CCNJL: variants seen among roughly 807,000 people sequenced by gnomAD.
The protein encoded by CCNJL is cyclin-J-like protein.
Under a neutral mutation model 33.4 loss-of-function variants are expected in CCNJL, and 33 were observed. The ratio of observed to expected loss-of-function variants is 0.99; its 90% CI spans 0.75 to 1.32. The LOEUF is 1.32. Ranked by LOEUF, CCNJL falls within the 40% of genes most tolerant of loss-of-function variation. CCNJL has a pLI of 0.00. For missense variants in CCNJL, 512 were observed against 499.7 expected (o/e 1.02, Z -0.23); for synonymous variants, 227 against 220.9 (o/e 1.03, Z -0.24).
chr5:160,272,346 C>T (rs1007919427), intron 3 of CCNJL, among the ~76,000 whole-genome samples: 1 of 152,110 alleles, frequency 6.6e-6, no homozygotes, highest in Non-Finnish European at 1.5e-5. Flanking sequence ...ACAGGCCTCT[C>T]CTAGAATCTC....
intron 3 of CCNJL, among the ~76,000 whole-genome samples, chr5:160,265,836 G>GTCCCTTA: frequency 6.8e-6 from 1 of 146,742 alleles, no homozygotes; most frequent in Non-Finnish European, 1.5e-5. Flanking sequence ...CTGGGCGACA[G>GTCCCTTA]AGCGAGACTC....
At chr5:160,328,847 T>G (rs1471509864) in intron 1 of CCNJL, among the ~76,000 whole-genome samples, 1 of 148,594 alleles carries the variant, frequency 6.7e-6, no homozygotes, top group Non-Finnish European at 1.5e-5. Context: ...GCCACTGCAC[T>G]CCAGCCTGGG....
chr5:160,288,344 A>G (rs1366426242), intron 2 of CCNJL, among the ~76,000 whole-genome samples: 1 of 152,102 alleles, frequency 6.6e-6, no homozygotes, highest in Non-Finnish European at 1.5e-5. Context: ...AAGACTAGAT[A>G]CCCACTGTGT....
intron 1 of CCNJL, among the ~76,000 whole-genome samples, chr5:160,322,031 G>T (rs1384379699): frequency 1.3e-5 from 2 of 152,280 alleles, no homozygotes; most frequent in African/African-American, 4.8e-5. Context: ...GCTGAGAGAT[G>T]GGGCTGGCTT....
chr5:160,256,012 T>C (rs1334197751), intron 4 of CCNJL, among the ~76,000 whole-genome samples: 1 of 152,116 alleles, frequency 6.6e-6, no homozygotes, highest in Non-Finnish European at 1.5e-5. Flanking sequence ...CCTCAGCCTT[T>C]TGAGTAGCTG....
At chr5:160,319,860 C>T (rs957119893) in intron 1 of CCNJL, among the ~76,000 whole-genome samples, 8 of 152,026 alleles carry the variant, frequency 5.3e-5, no homozygotes, top group Non-Finnish European at 1.5e-5. Context: ...ATCGTGGCTG[C>T]AGTAAGCCCT....
Position 160,277,159 on chromosome 5 carries a change from A to G in CCNJL, c.280+3366T>C, listed in dbSNP as rs141683796. ...AAAAAACCCACAAACACAACCCCACACTACAAGTTGGGCAAGTTTTGTGGC... is the reference window on the plus strand; with the variant it reads ...AAAAAACCCACAAACACAACCCCACGCTACAAGTTGGGCAAGTTTTGTGGC... On this transcript the variant is annotated intron_variant, in intron 3 of 5. Coordinates refer to ENST00000257536, the MANE Select transcript of CCNJL (RefSeq NM_001308173.3). 6.5e-3 allele frequency among the ~76,000 whole-genome samples: 983 copies of G among 152,240 alleles called. 5 individuals carry two copies. Among genetic ancestry groups the G allele is most frequent in the African/African-American group, 0.023 (936 of 41,528 alleles).
chr5:160,299,062 T>G (rs2113416921), intron 2 of CCNJL, among the ~76,000 whole-genome samples: 2 of 152,292 alleles, frequency 1.3e-5, no homozygotes, highest in Admixed American at 6.5e-5. Context: ...CACTGCAGCC[T>G]GGACCTCCCG....
At chr5:160,260,664 G>A (rs545090831) in intron 3 of CCNJL, among the ~76,000 whole-genome samples, 32 of 152,246 alleles carry the variant, frequency 2.1e-4, no homozygotes, top group Middle Eastern at 6.8e-3. Context: ...TCTGCAGACT[G>A]TGGGCCTCTC....
intron 2 of CCNJL, among the ~76,000 whole-genome samples, chr5:160,285,791 C>T (rs947771937): frequency 6.6e-6 from 1 of 152,218 alleles, no homozygotes. Flanking sequence ...TTGCCCTACT[C>T]TGAGGGCAAT....
chr5:160,301,193 C>G (rs1762908422), intron 2 of CCNJL, among the ~76,000 whole-genome samples: 1 of 152,118 alleles, frequency 6.6e-6, no homozygotes, highest in Admixed American at 6.6e-5. Flanking sequence ...AAACGGAATA[C>G]TAATCAGCAA....
chr5:160,300,734 A>G (rs896745773), intron 2 of CCNJL, among the ~76,000 whole-genome samples: 1 of 151,984 alleles, frequency 6.6e-6, no homozygotes, highest in Non-Finnish European at 1.5e-5. Flanking sequence ...ATCATAGCAC[A>G]CTGCAGCCTC....
At position 160,251,524 on chromosome 5, in the gene CCNJL, G is replaced by A. The variant is rs1225041723; in HGVS notation, c.*1854C>T. 1 of 152,274 alleles carries A rather than the reference G, an allele frequency of 6.6e-6. No homozygotes were observed. The highest frequency in any genetic ancestry group is 1.5e-5 in the Non-Finnish European group (1 of 68,102). 9.4% of individuals were successfully genotyped at this position (152,274 alleles called of 1,614,324 possible). On this transcript the variant is annotated 3_prime_UTR_variant, in exon 6 of 6. Transcript: ENST00000257536. Reference sequence around the variant, plus strand: ...GGCCCAGCTCCTACTCAGAGGGCAGGACTCAGCTCCCGAGGTCTTGCTGCT... The same window carrying A: ...GGCCCAGCTCCTACTCAGAGGGCAGAACTCAGCTCCCGAGGTCTTGCTGCT...
At chr5:160,322,649 TGTAATCC>T (rs1171397391) in intron 1 of CCNJL, among the ~76,000 whole-genome samples, 2 of 152,200 alleles carry the variant, frequency 1.3e-5, no homozygotes, top group African/African-American at 2.4e-5. Context: ...GGCTCACGCC[TGTAATCC>T]CAGCACTTTG....
chr5:160,315,578 AGAG>A (rs1763372459), upstream of CCNJL: 3 of 85,824 alleles, frequency 3.5e-5, no homozygotes, highest in East Asian at 3.1e-4. Context: ...AAAAAAGATT[AGAG>A]TACGATCCCA....
intron 2 of CCNJL, among the ~76,000 whole-genome samples, chr5:160,297,547 G>T (rs886638515): frequency 2.6e-5 from 4 of 151,002 alleles, no homozygotes; most frequent in African/African-American, 9.8e-5. Flanking sequence ...GGGTGCAGTG[G>T]TTCACGCCTG....
At chr5:160,287,286 C>T (rs781655241) in intron 2 of CCNJL, among the ~76,000 whole-genome samples, 4 of 152,194 alleles carry the variant, frequency 2.6e-5, no homozygotes, top group Non-Finnish European at 5.9e-5. Context: ...TGATCTATCT[C>T]TGTCAAAGGC....
chr5:160,278,249 C>T (rs1430402094), intron 3 of CCNJL, among the ~76,000 whole-genome samples: 5 of 152,184 alleles, frequency 3.3e-5, no homozygotes, highest in South Asian at 4.1e-4. Context: ...ATCCACCTGC[C>T]TCTGCCTCCC....
chr5:160,325,743 T>A (rs1481252256), intron 1 of CCNJL, among the ~76,000 whole-genome samples: 4 of 152,158 alleles, frequency 2.6e-5, no homozygotes, highest in Admixed American at 6.5e-5. Context: ...AACATAAAAA[T>A]CCTGATTTTC....
Sources: gnomAD v4.1 joint callset for allele counts (sites outside exome capture counted in the v4.1 genomes callset) on GRCh38, gnomAD v4.1.1 for gene constraint, MANE v1.5 for transcripts, NCBI Gene and HGNC (gene_info 2026-07-23, HGNC 2026-07-21) for gene names.